LRP1B: variants seen among roughly 807,000 people sequenced by gnomAD.
LRP1B encodes low-density lipoprotein receptor-related protein 1B.
A neutral mutation model predicts 556.6 loss-of-function variants in LRP1B; 217 were observed. The observed-to-expected ratio is 0.39, with a 90% CI of 0.35 to 0.44. LRP1B has a LOEUF of 0.44. Ranked by LOEUF, LRP1B falls within the 20% of genes least tolerant of loss-of-function variation. The pLI is 1.00. For missense variants in LRP1B, 5,053 were observed against 5,620.8 expected (o/e 0.90, Z 3.23); for synonymous variants, 2,047 against 1,865.8 (o/e 1.10, Z -2.50).
At chr2:141,588,150 A>G (rs1242653797) in intron 2 of LRP1B, among the ~76,000 whole-genome samples, 2 of 152,210 alleles carry the variant, frequency 1.3e-5, no homozygotes, top group Non-Finnish European at 2.9e-5. Flanking sequence ...CTTGAGATAT[A>G]TACTCTTGTC....
At chr2:141,490,370 C>CGT (rs767310378) in intron 2 of LRP1B, among the ~76,000 whole-genome samples, 11,332 of 121,210 alleles carry the variant, frequency 0.093, 446 homozygotes, top group South Asian at 0.19. Context: ...AAAATAGCCT[C>CGT]GTGTGTGTGT....
rs145151414 is a variant in LRP1B, at chr2:140,519,522, C to A, written c.8027-2511G>T. Among the ~76,000 whole-genome samples the A allele has an allele frequency of 2.7e-3, 416 of 152,058 alleles. 1 individual carries two copies. Among genetic ancestry groups the A allele is most frequent in the South Asian group, 8.9e-3 (43 of 4,822 alleles). On this transcript the variant is annotated intron_variant, in intron 49 of 90. Coordinates refer to ENST00000389484, the MANE Select transcript of LRP1B (RefSeq NM_018557.3). ...CCATAAAAACCCTAGAAGAAAACCT[C>A]GGCAATACCATTCAGGACATAGGTA... is the stretch of plus-strand genomic sequence containing the variant.
In LRP1B at chr2:141,168,498, G is replaced by A. The variant is rs185936826; in HGVS notation, c.1013+19923C>T. Among the ~76,000 whole-genome samples, 67 of 151,992 alleles carry A rather than the reference G, an allele frequency of 4.4e-4. No homozygotes were observed. In the Middle Eastern group the frequency reaches 0.014, roughly 31 times the overall value. ...TAAATAATCACACTCAATCACTACC[G>A]AAATTTAAAATCCTGAACCACAAAC... is the stretch of plus-strand genomic sequence containing the variant. On this transcript the variant is annotated intron_variant, in intron 7 of 90. Coordinates refer to ENST00000389484, the MANE Select transcript of LRP1B (RefSeq NM_018557.3).
In LRP1B at chr2:141,048,979, C is replaced by T. The variant is rs1370053136; in HGVS notation, c.1789+7G>A. On this transcript the variant is annotated splice_region_variant and intron_variant, in intron 11 of 90. Coordinates refer to ENST00000389484, the MANE Select transcript of LRP1B (RefSeq NM_018557.3). ...TAGTTTGATGTTAATGTCACAGTGT[C>T]ACTTACCATCTTTCAGGATGGTTTC... is the stretch of plus-strand genomic sequence containing the variant. 3 of 1,593,068 alleles carry T rather than the reference C, an allele frequency of 1.9e-6. No homozygotes were observed. Among genetic ancestry groups the T allele is most frequent in the South Asian group, 2.2e-5 (2 of 90,588 alleles).
At chr2:141,148,384 C>G (rs1701837535) in intron 7 of LRP1B, among the ~76,000 whole-genome samples, 1 of 152,112 alleles carries the variant, frequency 6.6e-6, no homozygotes, top group Non-Finnish European at 1.5e-5. Context: ...AGATGAATCT[C>G]CAAAGAATCC....
intron 2 of LRP1B, among the ~76,000 whole-genome samples, chr2:141,637,380 G>C (rs1175199553): frequency 6.6e-6 from 1 of 152,194 alleles, no homozygotes; most frequent in African/African-American, 2.4e-5. Flanking sequence ...TAACTATTTA[G>C]AGAATACTTA....
chr2:140,981,496 A>G (rs927436980), intron 18 of LRP1B, among the ~76,000 whole-genome samples: 1 of 152,144 alleles, frequency 6.6e-6, no homozygotes, highest in African/African-American at 2.4e-5. Context: ...AGTAGACATT[A>G]TTGAGACAAA....
chr2:141,210,282 T>C (rs1230674955), intron 6 of LRP1B, among the ~76,000 whole-genome samples: 1 of 151,272 alleles, frequency 6.6e-6, no homozygotes, highest in Non-Finnish European at 1.5e-5. Flanking sequence ...CTGACAAAAA[T>C]CCATTAGGAA....
chr2:141,505,957 A>C (rs1392410580), intron 2 of LRP1B, among the ~76,000 whole-genome samples: 1 of 152,068 alleles, frequency 6.6e-6, no homozygotes, highest in African/African-American at 2.4e-5. Flanking sequence ...AGAGAATAGT[A>C]ATTTCCAGAC....
At position 141,514,617 on chromosome 2, in the gene LRP1B, G is replaced by T. The variant is rs1240564485; in HGVS notation, c.206-34084C>A. ...CAAGTACAGATGTTCCGAAAATTATGATAAGGTTATATCCCAATAAAACCA... is the reference window on the plus strand; with the variant it reads ...CAAGTACAGATGTTCCGAAAATTATTATAAGGTTATATCCCAATAAAACCA... On this transcript the variant is annotated intron_variant, in intron 2 of 90. Coordinates refer to ENST00000389484, the MANE Select transcript of LRP1B (RefSeq NM_018557.3). Among the ~76,000 whole-genome samples the T allele has an allele frequency of 2.0e-5, 3 of 152,188 alleles. No individual in the cohort carries two copies. The East Asian group carries it at 5.8e-4, about 29-fold the overall frequency.
intron 34 of LRP1B, among the ~76,000 whole-genome samples, chr2:140,770,316 A>G (rs972759089): frequency 1.3e-5 from 2 of 152,004 alleles, no homozygotes; most frequent in African/African-American, 4.8e-5. Context: ...TAAGATTGGA[A>G]CATTTTTAAC....
At chr2:141,994,286 C>T (rs1702426910) in intron 1 of LRP1B, among the ~76,000 whole-genome samples, 2 of 151,992 alleles carry the variant, frequency 1.3e-5, no homozygotes, top group African/African-American at 4.8e-5. Context: ...TTGTTAATGG[C>T]CTTAGGTGCA....
intron 2 of LRP1B, among the ~76,000 whole-genome samples, chr2:141,512,284 T>C (rs1684160342): frequency 1.3e-5 from 2 of 152,140 alleles, no homozygotes; most frequent in East Asian, 1.9e-4. Context: ...ATATGGAAGA[T>C]TGCTGATTGC....
At chr2:140,360,362 G>C (rs144138276) in intron 72 of LRP1B, among the ~76,000 whole-genome samples, 67 of 151,406 alleles carry the variant, frequency 4.4e-4, no homozygotes, top group African/African-American at 1.6e-3. Flanking sequence ...CTCCTCTTTA[G>C]GTCTTTTAGG....
intron 41 of LRP1B, among the ~76,000 whole-genome samples, chr2:140,660,063 T>C (rs914039282): frequency 9.2e-5 from 14 of 152,102 alleles, no homozygotes; most frequent in Non-Finnish European, 1.3e-4. Context: ...TACATGCTTA[T>C]AGTGTTTTTC....
intron 41 of LRP1B, among the ~76,000 whole-genome samples, chr2:140,605,642 G>A (rs1484802038): frequency 7.0e-6 from 1 of 143,608 alleles, no homozygotes. Context: ...CTTCCTTACT[G>A]CCTGCCTGCC....
intron 2 of LRP1B, among the ~76,000 whole-genome samples, chr2:141,655,492 G>A (rs1689971132): frequency 6.6e-6 from 1 of 152,036 alleles, no homozygotes; most frequent in African/African-American, 2.4e-5. Flanking sequence ...CATGCAATAG[G>A]TGTCCCTATC....
chr2:141,636,566 TAATTCTAACTGTAAA>T (rs1189184857), intron 2 of LRP1B, among the ~76,000 whole-genome samples: 1 of 152,146 alleles, frequency 6.6e-6, no homozygotes, highest in Admixed American at 6.6e-5. Flanking sequence ...TTTGGCACAG[TAATTCTAACTGTAAA>T]AATTTAATCT....
intron 71 of LRP1B, among the ~76,000 whole-genome samples, chr2:140,369,502 A>G (rs1682899800): frequency 6.6e-6 from 1 of 151,952 alleles, no homozygotes; most frequent in Non-Finnish European, 1.5e-5. Flanking sequence ...AGAGTGACCA[A>G]TTACAGAAAG....
Sources: gnomAD v4.1 joint callset for allele counts (sites outside exome capture counted in the v4.1 genomes callset) on GRCh38, gnomAD v4.1.1 for gene constraint, MANE v1.5 for transcripts, NCBI Gene and HGNC (gene_info 2026-07-23, HGNC 2026-07-21) for gene names.